The following SNX30 variants were observed in gnomAD, a reference collection of about 807,000 sequenced individuals.
SNX30 encodes sorting nexin family member 30, also known as sorting nexin-30.
In SNX30, 24 loss-of-function variants were observed where a neutral mutation model predicts 46.4. The ratio of observed to expected loss-of-function variants is 0.52; its 90% CI spans 0.37 to 0.73. The LOEUF (loss-of-function observed/expected upper bound fraction) is 0.73. Among genes scored for constraint, SNX30 ranks in the 30% least tolerant of loss-of-function variants. The pLI, the probability that SNX30 is intolerant of heterozygous loss-of-function variation, is 0.00. For missense variants in SNX30, 533 were observed against 555.7 expected (o/e 0.96, Z 0.41); for synonymous variants, 189 against 211.5 (o/e 0.89, Z 0.92).
At chr9:112,850,031 G>C (rs1840998617) in intron 6 of SNX30, among the ~76,000 whole-genome samples, 1 of 152,234 alleles carries the variant, frequency 6.6e-6, no homozygotes, top group Admixed American at 6.5e-5. Flanking sequence ...CTTGGACTAA[G>C]TGAGGGGAGC....
intron 1 of SNX30, among the ~76,000 whole-genome samples, chr9:112,768,691 T>C (rs1357811618): frequency 6.9e-6 from 1 of 145,686 alleles, no homozygotes; most frequent in Non-Finnish European, 1.5e-5. Flanking sequence ...GGTCTTGCTC[T>C]TGTCGCTTAG....
chr9:112,864,451 T>C (rs1841287258), intron 8 of SNX30, 52 bp downstream of exon 8: 1 of 1,604,902 alleles, frequency 6.2e-7, no homozygotes, highest in African/African-American at 1.3e-5. Context: ...GCCTTTCACA[T>C]GGGCCTACCA....
intron 2 of SNX30, among the ~76,000 whole-genome samples, chr9:112,808,078 G>A (rs1212976937): frequency 1.3e-5 from 2 of 152,168 alleles, no homozygotes; most frequent in Non-Finnish European, 2.9e-5. Flanking sequence ...TTTTGGTGGT[G>A]CATTCAGAGG....
At chr9:112,879,783 A>G (rs949324980), downstream of SNX30, 6 of 1,613,146 alleles carry the variant, frequency 3.7e-6, no homozygotes, top group Admixed American at 5.0e-5. Context: ...TGATGTCTCC[A>G]TATGGTGACA....
intron 2 of SNX30, among the ~76,000 whole-genome samples, chr9:112,813,613 A>G (rs1024932183): frequency 4.6e-5 from 7 of 151,880 alleles, no homozygotes; most frequent in Admixed American, 1.3e-4. Context: ...AGCTGAGACT[A>G]CAGGTATGCA....
At chr9:112,769,757 C>T (rs1401887281) in intron 1 of SNX30, among the ~76,000 whole-genome samples, 3 of 152,192 alleles carry the variant, frequency 2.0e-5, no homozygotes, top group African/African-American at 7.2e-5. Flanking sequence ...ACACTGATAA[C>T]TCCAGGCCAG....
At chr9:112,868,663 C>A in intron 8 of SNX30, 121 bp from the exon 9 acceptor site, 2 of 945,376 alleles carry the variant, frequency 2.1e-6, no homozygotes, top group Non-Finnish European at 3.4e-6. Flanking sequence ...CACATGCAGG[C>A]ATCATTAGAC....
At chr9:112,777,990 C>T (rs1839777283) in intron 1 of SNX30, among the ~76,000 whole-genome samples, 1 of 151,912 alleles carries the variant, frequency 6.6e-6, no homozygotes, top group Non-Finnish European at 1.5e-5. Context: ...GTGTTTTTTG[C>T]TCTAGGTGTC....
At chr9:112,816,604 A>G (rs905655808) in intron 2 of SNX30, among the ~76,000 whole-genome samples, 1 of 152,222 alleles carries the variant, frequency 6.6e-6, no homozygotes, top group Non-Finnish European at 1.5e-5. Context: ...TAAGACAGTG[A>G]ACACAGGTTT....
intron 6 of SNX30, 105 bp from the exon 7 acceptor site, chr9:112,850,754 A>C: frequency 1.7e-5 from 12 of 722,094 alleles, no homozygotes; most frequent in Non-Finnish European, 2.6e-5. Context: ...GGCCTGGGGT[A>C]GGCCTTGATT....
intron 6 of SNX30, among the ~76,000 whole-genome samples, chr9:112,850,638 T>C (rs1336499520): frequency 6.6e-6 from 1 of 152,238 alleles, no homozygotes; most frequent in Non-Finnish European, 1.5e-5. Flanking sequence ...TTTAGTTACT[T>C]TACTAGAAAC....
At chr9:112,788,439 T>C (rs1839965425) in intron 1 of SNX30, among the ~76,000 whole-genome samples, 3 of 152,264 alleles carry the variant, frequency 2.0e-5, no homozygotes, top group South Asian at 4.1e-4. Context: ...GATGAACAGA[T>C]GGTACAGTTA....
At chr9:112,884,031 T>A (rs1471221159), downstream of SNX30, among the ~76,000 whole-genome samples, 1 of 152,150 alleles carries the variant, frequency 6.6e-6, no homozygotes, top group East Asian at 1.9e-4. Context: ...ATTAGTTAAG[T>A]GCATGTATAT....
chr9:112,767,493 C>T (rs1041935915), intron 1 of SNX30, among the ~76,000 whole-genome samples: 2 of 152,284 alleles, frequency 1.3e-5, no homozygotes, highest in South Asian at 4.1e-4. Flanking sequence ...CTATTGCCAA[C>T]TTCAGTGTCA....
chr9:112,774,815 A>C (rs944825671), intron 1 of SNX30, among the ~76,000 whole-genome samples: 9 of 145,622 alleles, frequency 6.2e-5, no homozygotes, highest in Non-Finnish European at 1.1e-4. Context: ...TCAGTTCTAT[A>C]TATATATATG....
At chr9:112,773,058 C>A (rs1839677739) in intron 1 of SNX30, among the ~76,000 whole-genome samples, 1 of 152,166 alleles carries the variant, frequency 6.6e-6, no homozygotes, top group South Asian at 2.1e-4. Flanking sequence ...TGTTCCAAAG[C>A]AAGGAAGCAC....
chr9:112,851,074 C>T (rs1202243388), intron 7 of SNX30, 129 bp downstream of exon 7: 2 of 564,868 alleles, frequency 3.5e-6, no homozygotes, highest in African/African-American at 3.7e-5. Flanking sequence ...TGATGTTGTC[C>T]TTTTTCACTC....
At chr9:112,868,567 A>G (rs996207767) in intron 8 of SNX30, among the ~76,000 whole-genome samples, 23 of 152,212 alleles carry the variant, frequency 1.5e-4, no homozygotes, top group African/African-American at 5.1e-4. Flanking sequence ...TAAGCCTTGC[A>G]GAGATATTGC....
chr9:112,829,881 G>A (rs1840634748), intron 3 of SNX30, among the ~76,000 whole-genome samples: 1 of 151,518 alleles, frequency 6.6e-6, no homozygotes, highest in Admixed American at 6.6e-5. Flanking sequence ...TTAGCCATTT[G>A]GATATCTTCT....
Sources: gnomAD v4.1 joint callset for allele counts (sites outside exome capture counted in the v4.1 genomes callset) on GRCh38, gnomAD v4.1.1 for gene constraint, MANE v1.5 for transcripts, NCBI Gene and HGNC (gene_info 2026-07-23, HGNC 2026-07-21) for gene names.